Variants in AK8 observed in about 807,000 individuals in gnomAD.
AK8 encodes adenylate kinase 8, also known as ATP-AMP transphosphorylase 8.
In AK8, 44 loss-of-function variants were observed where a neutral mutation model predicts 54.6. The ratio of observed to expected loss-of-function variants is 0.81; its 90% CI spans 0.63 to 1.04. The LOEUF (loss-of-function observed/expected upper bound fraction) is 1.04, where lower values mean the gene tolerates loss of function less well. AK8 is among the 50% of genes least tolerant of loss of function. The pLI, the probability that AK8 is intolerant of heterozygous loss-of-function variation, is 0.00. For missense variants in AK8, 555 were observed against 613.6 expected (o/e 0.90, Z 1.01); for synonymous variants, 239 against 245.6 (o/e 0.97, Z 0.25).
intron 11 of AK8, among the ~76,000 whole-genome samples, chr9:132,755,737 C>T (rs1158892309): frequency 2.6e-5 from 4 of 151,820 alleles, no homozygotes; most frequent in Admixed American, 6.6e-5. Context: ...GGCAGAGTTG[C>T]CTCAGGCCAA....
At chr9:132,762,493 G>A (rs1838527668) in intron 11 of AK8, among the ~76,000 whole-genome samples, 1 of 152,162 alleles carries the variant, frequency 6.6e-6, no homozygotes, top group Non-Finnish European at 1.5e-5. Context: ...CCTCTAGTCA[G>A]CTCTCCCTTC....
intron 11 of AK8, among the ~76,000 whole-genome samples, chr9:132,746,193 G>GCA (rs1201645465): frequency 2.0e-5 from 3 of 151,740 alleles, no homozygotes; most frequent in East Asian, 3.9e-4. Context: ...AGCCAGTCTG[G>GCA]CATTCACCTG....
Position 132,793,833 on chromosome 9 carries a change from T to G in AK8, c.980-1058A>C, listed in dbSNP as rs143815727. On this transcript the variant is annotated intron_variant, in intron 10 of 12. Transcript: ENST00000298545. ...ATATTACCATTGTTTGCTATGACTGTGGCCCCATTGGAACTGGTTCCTAGG... is the reference window on the plus strand; with the variant it reads ...ATATTACCATTGTTTGCTATGACTGGGGCCCCATTGGAACTGGTTCCTAGG... 3.4e-4 allele frequency among the ~76,000 whole-genome samples: 52 copies of G among 152,342 alleles called. No homozygotes were observed. In the East Asian group the frequency reaches 9.1e-3, roughly 27 times the overall value.
chr9:132,810,831 A>T (rs1351640898), intron 10 of AK8, among the ~76,000 whole-genome samples: 1 of 152,218 alleles, frequency 6.6e-6, no homozygotes, highest in Non-Finnish European at 1.5e-5. Flanking sequence ...CTAAAACTAC[A>T]AAATTATAAC....
rs185803318 is a variant in AK8, at chr9:132,855,046, C to T, written c.334-121G>A. ...CTGGAAAGCACCGACCACCATCGGGCCCCGCCCTTCCTCCACCCGCTGCAC... is the reference window on the plus strand; with the variant it reads ...CTGGAAAGCACCGACCACCATCGGGTCCCGCCCTTCCTCCACCCGCTGCAC... On this transcript the variant is annotated intron_variant, in intron 4 of 12. Transcript: ENST00000298545. The T allele has an allele frequency of 1.3e-4, 118 of 936,736 alleles. No homozygotes were observed. In the Admixed American group the frequency reaches 1.4e-3, roughly 11 times the overall value. 58.0% of individuals were successfully genotyped at this position (936,736 alleles called of 1,614,324 possible).
chr9:132,862,418 C>T (rs1181816140), intron 4 of AK8, among the ~76,000 whole-genome samples: 1 of 151,986 alleles, frequency 6.6e-6, no homozygotes, highest in African/African-American at 2.4e-5. Flanking sequence ...ACCTCAGCCT[C>T]CTGGGTTTGA....
At chr9:132,774,358 C>T (rs1322442153) in intron 11 of AK8, among the ~76,000 whole-genome samples, 1 of 152,106 alleles carries the variant, frequency 6.6e-6, no homozygotes, top group South Asian at 2.1e-4. Context: ...TAAGGCTGCA[C>T]TTCTATTTGT....
rs540655584 is a variant in AK8 at position 132,764,506 on chromosome 9, A to T, written c.1121+28128T>A. ...ACATTACAACTGGTACCACAGATATACAAAGGCTCATTAGAGACTATTATG... is the reference window on the plus strand; with the variant it reads ...ACATTACAACTGGTACCACAGATATTCAAAGGCTCATTAGAGACTATTATG... On this transcript the variant is annotated intron_variant, in intron 11 of 12. Coordinates refer to ENST00000298545, the MANE Select transcript of AK8 (RefSeq NM_152572.3). Among the ~76,000 whole-genome samples, 23 of 152,366 alleles carry T rather than the reference A, an allele frequency of 1.5e-4. 1 individual carries two copies. In the South Asian group the frequency reaches 4.8e-3, roughly 32 times the overall value.
intron 11 of AK8, among the ~76,000 whole-genome samples, chr9:132,782,120 G>A (rs979775970): frequency 5.9e-5 from 9 of 152,114 alleles, no homozygotes; most frequent in African/African-American, 1.7e-4. Flanking sequence ...TTTTCACTCC[G>A]TGGTGAACGG....
At chr9:132,852,647 G>A (rs1278284082) in intron 5 of AK8, among the ~76,000 whole-genome samples, 2 of 150,958 alleles carry the variant, frequency 1.3e-5, no homozygotes, top group South Asian at 2.1e-4. Flanking sequence ...GTGTATGCCT[G>A]TAACTCCAGC....
At chr9:132,735,529 C>T (rs1039016897) in intron 11 of AK8, among the ~76,000 whole-genome samples, 4 of 152,080 alleles carry the variant, frequency 2.6e-5, no homozygotes, top group Admixed American at 6.5e-5. Flanking sequence ...CTACTTCACA[C>T]TCAGTAGAAT....
At chr9:132,778,046 T>C (rs913682112) in intron 11 of AK8, among the ~76,000 whole-genome samples, 1 of 152,216 alleles carries the variant, frequency 6.6e-6, no homozygotes, top group South Asian at 2.1e-4. Flanking sequence ...ATCAGAATGA[T>C]GTCAGGTCCT....
chr9:132,791,453 C>T lies in AK8; in HGVS notation c.1121+1181G>A, dbSNP rs1839943264. 6.6e-6 allele frequency among the ~76,000 whole-genome samples: 1 copy of T among 152,084 alleles called. No homozygotes were observed. The highest frequency in any genetic ancestry group is 6.6e-5 in the Admixed American group (1 of 15,262). The stretch of plus-strand genomic sequence containing the variant: ...TCAATTTGAAAATCTAAGGCAATTC[C>T]AGCTAAAATTTCAATGGCAGTTTCT... On this transcript the variant is annotated intron_variant, in intron 11 of 12. Transcript: ENST00000298545. This position sits in a 1 kb window ranked among gnomAD's most constrained non-coding sequence, Gnocchi z 4.0.
At chr9:132,771,735 G>A (rs1318135783) in intron 11 of AK8, among the ~76,000 whole-genome samples, 8 of 152,184 alleles carry the variant, frequency 5.3e-5, no homozygotes, top group East Asian at 1.9e-4. Flanking sequence ...AAGCAGCGTC[G>A]TGTGGTGTGA....
intron 9 of AK8, among the ~76,000 whole-genome samples, chr9:132,819,661 A>C (rs1588167934): frequency 6.6e-6 from 1 of 152,332 alleles, no homozygotes; most frequent in East Asian, 1.9e-4. Flanking sequence ...TAAAAATTTC[A>C]AACATCTTAT....
chr9:132,810,055 C>T (rs932728020), intron 10 of AK8, among the ~76,000 whole-genome samples: 6 of 152,318 alleles, frequency 3.9e-5, no homozygotes, highest in Admixed American at 2.6e-4. Context: ...TTGGTTTTCT[C>T]GGCAGCTTCT....
intron 11 of AK8, among the ~76,000 whole-genome samples, chr9:132,780,693 G>C (rs773709872): frequency 1.3e-5 from 2 of 152,126 alleles, no homozygotes; most frequent in Non-Finnish European, 2.9e-5. Context: ...GCACCCAAAT[G>C]AGCTAATCAG....
intron 5 of AK8, among the ~76,000 whole-genome samples, chr9:132,840,892 A>G (rs1842516412): frequency 6.6e-6 from 1 of 152,098 alleles, no homozygotes; most frequent in Non-Finnish European, 1.5e-5. Context: ...TAGATCATAA[A>G]CCCACCCAGA....
intron 10 of AK8, among the ~76,000 whole-genome samples, chr9:132,797,862 C>T (rs1840248800): frequency 6.6e-6 from 1 of 152,236 alleles, no homozygotes; most frequent in Non-Finnish European, 1.5e-5. Context: ...TGGCCTCCAG[C>T]CGTCCTGTAA....
Sources: allele counts gnomAD v4.1 joint callset (sites outside exome capture counted in the v4.1 genomes callset), GRCh38; gene constraint gnomAD v4.1.1; non-coding constraint Gnocchi (gnomAD v3.1); transcripts MANE v1.5; gene names NCBI Gene and HGNC (gene_info 2026-07-23, HGNC 2026-07-21).